The following CACNA2D3 variants were observed in gnomAD, a reference collection of about 807,000 sequenced individuals.
CACNA2D3 encodes the protein voltage-dependent calcium channel subunit alpha-2/delta-3.
In CACNA2D3, 60 loss-of-function variants were observed where a neutral mutation model predicts 160.6. The observed-to-expected ratio is 0.37, with a 90% CI of 0.30 to 0.46. CACNA2D3 has a LOEUF of 0.46. CACNA2D3 is among the 20% of genes least tolerant of loss of function. The probability of loss-of-function intolerance (pLI) is 1.00; values close to 1 mark genes in which losing one functional copy is unlikely to be tolerated. For synonymous variants in CACNA2D3, 558 were observed against 492.9 expected (o/e 1.13, Z -1.75); for missense variants, 1,205 against 1,365.0 (o/e 0.88, Z 1.85).
intron 14 of CACNA2D3, among the ~76,000 whole-genome samples, chr3:54,822,220 C>T (rs898257249): frequency 4.6e-5 from 7 of 152,130 alleles, no homozygotes; most frequent in Admixed American, 2.0e-4. Context: ...TACTCACAGT[C>T]TGAAAAATGA....
intron 4 of CACNA2D3, among the ~76,000 whole-genome samples, chr3:54,388,046 A>C (rs1699219355): frequency 6.6e-6 from 1 of 152,198 alleles, no homozygotes; most frequent in African/African-American, 2.4e-5. Flanking sequence ...GGGGTGATCA[A>C]GGAAAGTTTA....
intron 4 of CACNA2D3, among the ~76,000 whole-genome samples, chr3:54,458,795 A>C (rs1212463933): frequency 6.6e-6 from 1 of 151,350 alleles, no homozygotes; most frequent in Non-Finnish European, 1.5e-5. Flanking sequence ...TTATACTCTT[A>C]AGTTTTAGGG....
chr3:54,426,392 T>C (rs1575448420), intron 4 of CACNA2D3, among the ~76,000 whole-genome samples: 1 of 152,362 alleles, frequency 6.6e-6, no homozygotes, highest in Middle Eastern at 3.4e-3. Context: ...TATTTGCCTT[T>C]CCACTCCTTT....
intron 4 of CACNA2D3, among the ~76,000 whole-genome samples, chr3:54,393,426 A>G (rs978460430): frequency 6.6e-6 from 1 of 152,146 alleles, no homozygotes; most frequent in Non-Finnish European, 1.5e-5. Flanking sequence ...GCTCTGGTGC[A>G]GTTAGCCACA....
intron 17 of CACNA2D3, among the ~76,000 whole-genome samples, chr3:54,865,484 G>A (rs1287711954): frequency 1.3e-5 from 2 of 152,190 alleles, no homozygotes; most frequent in East Asian, 1.9e-4. Context: ...GCCTTTCCCC[G>A]GGGCCACCTC....
intron 27 of CACNA2D3, among the ~76,000 whole-genome samples, chr3:54,952,676 C>T (rs1276051027): frequency 6.6e-6 from 1 of 152,124 alleles, no homozygotes; most frequent in African/African-American, 2.4e-5. Flanking sequence ...ATCTGGTGTT[C>T]ATGGGTTCAA....
At chr3:54,778,645 A>G (rs1702469745) in intron 13 of CACNA2D3, among the ~76,000 whole-genome samples, 1 of 152,200 alleles carries the variant, frequency 6.6e-6, no homozygotes, top group South Asian at 2.1e-4. Flanking sequence ...CCTTGAGGAG[A>G]GGGATGGTGT....
In CACNA2D3 at chr3:54,731,870, G is replaced by A. The variant is rs962035201; in HGVS notation, c.1168-20729G>A. Among the ~76,000 whole-genome samples the A allele has an allele frequency of 2.0e-5, 3 of 152,030 alleles. No individual in the cohort carries two copies. In the South Asian group the frequency reaches 6.2e-4, roughly 32 times the overall value. On this transcript the variant is annotated intron_variant, in intron 11 of 37. Transcript: ENST00000474759. ...TTCAGAACAAGCAGAAACGTATAGG[G>A]CAATGGCGTGGATCAAAAGCATCAC...
intron 32 of CACNA2D3, 160 bp from the exon 33 acceptor site, chr3:55,007,630 G>C (rs944501808): frequency 5.3e-6 from 3 of 569,534 alleles, no homozygotes; most frequent in Non-Finnish European, 9.1e-6. Flanking sequence ...TTAGGATACA[G>C]TATCCAACAA....
At chr3:54,283,463 T>G (rs1575366554) in intron 2 of CACNA2D3, among the ~76,000 whole-genome samples, 1 of 152,220 alleles carries the variant, frequency 6.6e-6, no homozygotes, top group Non-Finnish European at 1.5e-5. Context: ...AACAAGATAT[T>G]TAATGGGCAA....
At chr3:54,798,377 A>G (rs181880751) in intron 13 of CACNA2D3, among the ~76,000 whole-genome samples, 3 of 152,196 alleles carry the variant, frequency 2.0e-5, no homozygotes, top group Admixed American at 6.5e-5. Flanking sequence ...TACTAAAAAT[A>G]CCAAAAAAAA....
chr3:54,422,928 A>G (rs1699860402), intron 4 of CACNA2D3, among the ~76,000 whole-genome samples: 1 of 152,222 alleles, frequency 6.6e-6, no homozygotes. Context: ...AAGCTAAAGC[A>G]ACTGTGGCCT....
chr3:54,164,898 G>T (rs563356736), intron 2 of CACNA2D3, among the ~76,000 whole-genome samples: 17 of 152,286 alleles, frequency 1.1e-4, no homozygotes. Context: ...CAGGCTGCTT[G>T]TGCAAACTCA....
At chr3:54,906,045 C>T (rs992161477) in intron 27 of CACNA2D3, among the ~76,000 whole-genome samples, 1 of 152,136 alleles carries the variant, frequency 6.6e-6, no homozygotes, top group African/African-American at 2.4e-5. Flanking sequence ...CTGTTGGCAT[C>T]GATGTCCAGA....
chr3:54,384,999 G>A (rs1213543019), intron 3 of CACNA2D3, among the ~76,000 whole-genome samples: 1 of 152,170 alleles, frequency 6.6e-6, no homozygotes. Flanking sequence ...AGGATTACTA[G>A]TGTGAACCCA....
chr3:55,019,522 T>G (rs1172355000), intron 35 of CACNA2D3, among the ~76,000 whole-genome samples: 1 of 152,158 alleles, frequency 6.6e-6, no homozygotes, highest in South Asian at 2.1e-4. Context: ...TAGTTTTTCT[T>G]CTATCATAAA....
chr3:54,837,285 C>A, intron 15 of CACNA2D3, 55 bp downstream of exon 15: 3 of 1,352,984 alleles, frequency 2.2e-6, no homozygotes, highest in Non-Finnish European at 2.1e-6. Context: ...TTTTCTCAGA[C>A]CCCCTCTGAC....
chr3:54,145,725 A>T (rs968465144), intron 2 of CACNA2D3, among the ~76,000 whole-genome samples: 1 of 152,218 alleles, frequency 6.6e-6, no homozygotes, highest in Non-Finnish European at 1.5e-5. Flanking sequence ...GACAAGTGAG[A>T]TAGACCAACA....
intron 11 of CACNA2D3, among the ~76,000 whole-genome samples, chr3:54,661,565 A>G (rs914308959): frequency 6.6e-6 from 1 of 152,146 alleles, no homozygotes; most frequent in Admixed American, 6.5e-5. Flanking sequence ...TCATTAAACA[A>G]AACTACAGGT....
Sources: allele counts gnomAD v4.1 joint callset (sites outside exome capture counted in the v4.1 genomes callset), GRCh38; gene constraint gnomAD v4.1.1; transcripts MANE v1.5; gene names NCBI Gene and HGNC (gene_info 2026-07-23, HGNC 2026-07-21).